MATN2: variants seen among roughly 807,000 people sequenced by gnomAD.
The protein encoded by MATN2 is matrilin 2.
A neutral mutation model predicts 103.2 loss-of-function variants in MATN2; 69 were observed. That is an observed-to-expected ratio of 0.67 (90% confidence interval 0.55 to 0.82). MATN2 has a LOEUF of 0.82. Among genes scored for constraint, MATN2 ranks in the 40% least tolerant of loss-of-function variants. The probability of loss-of-function intolerance (pLI) is 0.00; values close to 1 mark genes in which losing one functional copy is unlikely to be tolerated. For missense variants in MATN2, 1,023 were observed against 1,211.5 expected (o/e 0.84, Z 2.31); for synonymous variants, 429 against 450.2 (o/e 0.95, Z 0.60).
intron 3 of MATN2, among the ~76,000 whole-genome samples, chr8:97,939,374 AAAAC>A (rs537629984): frequency 4.1e-4 from 62 of 152,294 alleles, no homozygotes; most frequent in Middle Eastern, 3.4e-3. Context: ...CAGAAATGAA[AAAAC>A]AAACAAACAA....
intron 4 of MATN2, among the ~76,000 whole-genome samples, chr8:97,957,535 C>T (rs1586090155): frequency 1.3e-5 from 2 of 152,308 alleles, no homozygotes; most frequent in South Asian, 2.1e-4. Flanking sequence ...AAGGACAATC[C>T]GCATGAAGCC....
At chr8:97,994,366 C>A in intron 6 of MATN2, 114 bp from the exon 7 acceptor site, 1 of 1,143,276 alleles carries the variant, frequency 8.7e-7, no homozygotes, top group Non-Finnish European at 1.2e-6. Flanking sequence ...TGGTGTGACT[C>A]TTTGAGGTGT....
intron 1 of MATN2, among the ~76,000 whole-genome samples, chr8:97,873,128 T>G (rs1227424522): frequency 6.6e-6 from 1 of 152,164 alleles, no homozygotes; most frequent in African/African-American, 2.4e-5. Context: ...GGCAACACAG[T>G]CTGGGGATTA....
In MATN2 at chr8:97,978,865, A is replaced by G. The variant is rs929476138; in HGVS notation, c.959-21A>G. On this transcript the variant is annotated intron_variant, in intron 5 of 18. Coordinates refer to ENST00000254898, the MANE Select transcript of MATN2 (RefSeq NM_002380.5). ...TCCTCTGTTTGCATTTCTAATTCTGAATGTGTTTTATTCTCTCCAGCTGTG... is the reference window on the plus strand; with the variant it reads ...TCCTCTGTTTGCATTTCTAATTCTGGATGTGTTTTATTCTCTCCAGCTGTG... 3.1e-6 allele frequency: 5 copies of G among 1,613,294 alleles called. No individual in the cohort carries two copies. In the South Asian group the frequency reaches 5.5e-5, roughly 18 times the overall value.
rs572951708 is a variant in MATN2 at position 97,904,707 on chromosome 8, A to G, written c.142+16465A>G. On this transcript the variant is annotated intron_variant, in intron 2 of 18. Transcript: ENST00000254898. ...TCAATTTGTAGATAAGGAAAGGCCA[A>G]TCAGACATACCAGTTTATCTATAAT... 2.0e-5 allele frequency among the ~76,000 whole-genome samples: 3 copies of G among 152,278 alleles called. No individual in the cohort carries two copies. The East Asian group carries it at 5.8e-4, about 29-fold the overall frequency.
intron 6 of MATN2, among the ~76,000 whole-genome samples, chr8:97,988,109 A>G (rs1471197767): frequency 6.9e-6 from 1 of 144,724 alleles, no homozygotes; most frequent in Non-Finnish European, 1.5e-5. Context: ...ACTTGAGGCA[A>G]GGAGTTAAAG....
At chr8:97,904,583 C>A (rs1056832624) in intron 2 of MATN2, among the ~76,000 whole-genome samples, 1 of 152,160 alleles carries the variant, frequency 6.6e-6, no homozygotes, top group Non-Finnish European at 1.5e-5. Flanking sequence ...TAATATCTCG[C>A]ATATGTGAAA....
At position 97,888,112 on chromosome 8, in the gene MATN2, G is replaced by C; in HGVS notation, c.12G>C (p.Met4Ile). 1.2e-6 allele frequency: 2 copies of C among 1,607,842 alleles called. No homozygotes were observed. The highest frequency in any genetic ancestry group is 2.2e-5 in the South Asian group (2 of 89,906). ...TGCTCGCCTTGAAAATGGAAAAGATGCTCGCAGGCTGCTTTCTGCTGATCC... is the reference window on the plus strand; with the variant it reads ...TGCTCGCCTTGAAAATGGAAAAGATCCTCGCAGGCTGCTTTCTGCTGATCC... The part of the protein sequence containing the change: MEK[M>I]LAGCFLLILG... The change falls in exon 2 of 19, where the codon ATG (methionine) becomes ATC (isoleucine). Residue 4 changes from methionine to isoleucine, a missense_variant. Physicochemically the swap from Met to Ile is conservative, Grantham distance 10. Coordinates refer to ENST00000254898, the MANE Select transcript of MATN2 (RefSeq NM_002380.5).
At chr8:98,014,484 C>T (rs1256212379) in intron 10 of MATN2, among the ~76,000 whole-genome samples, 1 of 152,202 alleles carries the variant, frequency 6.6e-6, no homozygotes, top group Non-Finnish European at 1.5e-5. Flanking sequence ...GGGTCCAACT[C>T]GGCTTTGAGC....
At chr8:97,895,783 G>C (rs1586387479) in intron 2 of MATN2, among the ~76,000 whole-genome samples, 1 of 152,326 alleles carries the variant, frequency 6.6e-6, no homozygotes, top group African/African-American at 2.4e-5. Flanking sequence ...AGCAAACACT[G>C]TAAGGTAATT....
intron 10 of MATN2, among the ~76,000 whole-genome samples, chr8:98,012,460 G>C (rs1296461796): frequency 6.6e-6 from 1 of 152,180 alleles, no homozygotes; most frequent in East Asian, 1.9e-4. Context: ...CCGACACCCA[G>C]AGAGTGAGTA....
At chr8:97,872,778 A>G (rs376952932) in intron 1 of MATN2, among the ~76,000 whole-genome samples, 1 of 150,818 alleles carries the variant, frequency 6.6e-6, no homozygotes, top group Non-Finnish European at 1.5e-5. Flanking sequence ...TCCTAAGTTA[A>G]TCACATCTCC....
chr8:97,911,969 AG>A (rs1402045997), intron 2 of MATN2, among the ~76,000 whole-genome samples: 1 of 152,224 alleles, frequency 6.6e-6, no homozygotes, highest in African/African-American at 2.4e-5. Flanking sequence ...CCTATGAGGC[AG>A]GTACAATTAT....
chr8:97,892,247 A>G (rs1241756166), intron 2 of MATN2, among the ~76,000 whole-genome samples: 1 of 150,820 alleles, frequency 6.6e-6, no homozygotes, highest in South Asian at 2.1e-4. Flanking sequence ...AAAAAAAAAA[A>G]GAAAGAAAAA....
intron 7 of MATN2, among the ~76,000 whole-genome samples, chr8:97,997,339 C>A (rs1812620500): frequency 6.6e-6 from 1 of 152,214 alleles, no homozygotes; most frequent in Non-Finnish European, 1.5e-5. Context: ...TTCTCAGGAC[C>A]TGGATTTCCT....
At chr8:97,992,012 T>C (rs1812407012) in intron 6 of MATN2, among the ~76,000 whole-genome samples, 1 of 152,106 alleles carries the variant, frequency 6.6e-6, no homozygotes, top group Admixed American at 6.5e-5. Flanking sequence ...AGGTGAAAAA[T>C]GCTATGAAGA....
chr8:97,943,434 TCTCCTC>T (rs1253384818), intron 4 of MATN2, among the ~76,000 whole-genome samples: 6 of 98,986 alleles, frequency 6.1e-5, no homozygotes, highest in East Asian at 2.7e-4. Flanking sequence ...TCCTTCTCCT[TCTCCTC>T]CTCCTCCACC....
At chr8:98,004,482 T>C (rs1409890039) in intron 8 of MATN2, among the ~76,000 whole-genome samples, 3 of 152,226 alleles carry the variant, frequency 2.0e-5, no homozygotes, top group African/African-American at 7.2e-5. Context: ...TTCTCCATGC[T>C]TTGATTTCCC....
chr8:97,972,351 A>G (rs565643356), intron 5 of MATN2, among the ~76,000 whole-genome samples: 12 of 150,424 alleles, frequency 8.0e-5, no homozygotes, highest in South Asian at 2.1e-4. Flanking sequence ...AAAAAAAAAA[A>G]AAAAGAAAAG....
Sources: allele counts gnomAD v4.1 joint callset (sites outside exome capture counted in the v4.1 genomes callset), GRCh38; gene constraint gnomAD v4.1.1; transcripts MANE v1.5; gene names NCBI Gene and HGNC (gene_info 2026-07-23, HGNC 2026-07-21).